The following DST variants were observed in gnomAD, a reference collection of about 807,000 sequenced individuals.
The protein encoded by DST is bullous pemphigoid antigen.
DST carries 253 observed loss-of-function variants against 875.2 expected under a neutral mutation model. The observed-to-expected ratio is 0.29, with a 90% CI of 0.26 to 0.32. DST has a LOEUF of 0.32. DST is among the 10% of genes least tolerant of loss of function. The pLI is 1.00. For synonymous variants in DST, 3,124 were observed against 3,197.1 expected, an observed-to-expected ratio of 0.98 and a Z score of 0.77; for missense variants, 8,287 against 9,111.6, an observed-to-expected ratio of 0.91 and a Z score of 3.68.
intron 61 of DST, among the ~76,000 whole-genome samples, chr6:56,549,317 A>C (rs1368707842): frequency 6.6e-6 from 1 of 152,218 alleles, no homozygotes; most frequent in Non-Finnish European, 1.5e-5. Flanking sequence ...AAAGTCAATA[A>C]GGAAGACAGA....
In DST at chr6:56,769,918, G is replaced by A. The variant is rs372216339; in HGVS notation, c.626-34629C>T. On this transcript the variant is annotated intron_variant, in intron 4 of 103. Coordinates refer to ENST00000680361, the MANE Select transcript of DST (RefSeq NM_001374736.1). ...ATACTCTGCCCACTTCCAACATGGA[G>A]TTAACACATACGAAAAGGATACTAA... Among the ~76,000 whole-genome samples the A allele has an allele frequency of 1.4e-4, 21 of 152,302 alleles. No individual in the cohort carries two copies. In the East Asian group the frequency reaches 3.7e-3, roughly 27 times the overall value.
intron 5 of DST, among the ~76,000 whole-genome samples, chr6:56,723,043 CTGGT>C (rs2099428597): frequency 6.6e-6 from 1 of 152,154 alleles, no homozygotes; most frequent in Non-Finnish European, 1.5e-5. Flanking sequence ...ATGGAACTAT[CTGGT>C]TGACAAGTTA....
intron 9 of DST, among the ~76,000 whole-genome samples, chr6:56,678,162 G>A (rs2099139793): frequency 1.3e-5 from 2 of 152,196 alleles, no homozygotes; most frequent in South Asian, 4.1e-4. Context: ...CCTCAAAGAT[G>A]TGGCACCTGG....
chr6:56,916,817 C>CAG, intron 2 of DST, among the ~76,000 whole-genome samples: 1 of 149,600 alleles, frequency 6.7e-6, no homozygotes, highest in Admixed American at 6.7e-5. Flanking sequence ...CACACACACA[C>CAG]ACACACAGAG....
At chr6:56,816,764 A>G (rs2099767026) in intron 4 of DST, among the ~76,000 whole-genome samples, 1 of 151,432 alleles carries the variant, frequency 6.6e-6, no homozygotes, top group African/African-American at 2.4e-5. Flanking sequence ...CAAATTTCCT[A>G]TGTTCGTAAA....
At chr6:56,647,988 T>A (rs1371790346) in intron 13 of DST, among the ~76,000 whole-genome samples, 2 of 152,152 alleles carry the variant, frequency 1.3e-5, no homozygotes, top group East Asian at 3.9e-4. Flanking sequence ...ACCCGGCCTA[T>A]AATGGCTTTT....
chr6:56,871,195 T>C (rs1428950927), intron 3 of DST: 4 of 751,788 alleles, frequency 5.3e-6, no homozygotes, highest in African/African-American at 3.4e-5. Context: ...GTGAAAATGG[T>C]TCACTATTTA....
chr6:56,769,514 C>G (rs2152975260), intron 4 of DST, among the ~76,000 whole-genome samples: 1 of 152,160 alleles, frequency 6.6e-6, no homozygotes, highest in South Asian at 2.1e-4. Flanking sequence ...TTAAACTGCT[C>G]TAAAAGTCTA....
At chr6:56,558,160 C>T (rs1161437238) in intron 58 of DST, among the ~76,000 whole-genome samples, 1 of 152,104 alleles carries the variant, frequency 6.6e-6, no homozygotes, top group Non-Finnish European at 1.5e-5. Context: ...CTCTATTATA[C>T]CCTCGATCAT....
chr6:56,790,356 C>A (rs548369122), intron 4 of DST, among the ~76,000 whole-genome samples: 17 of 152,262 alleles, frequency 1.1e-4, no homozygotes, highest in Non-Finnish European at 2.5e-4. Context: ...TTTGAATGAG[C>A]CAAGCCAAAT....
chr6:56,581,405 G>C lies in DST; in HGVS notation c.12904-2468C>G, dbSNP rs530075325. ...ACTCTGTCCCCAAAGATTAAAGGAAGAGAGAAGTGGAAAAGGTTAACAGTG... is the reference window on the plus strand; with the variant it reads ...ACTCTGTCCCCAAAGATTAAAGGAACAGAGAAGTGGAAAAGGTTAACAGTG... On this transcript the variant is annotated intron_variant, in intron 49 of 103. Coordinates refer to ENST00000680361, the MANE Select transcript of DST (RefSeq NM_001374736.1). Among the ~76,000 whole-genome samples, 8 of 152,294 alleles carry C rather than the reference G, an allele frequency of 5.3e-5. No individual in the cohort carries two copies. The South Asian group carries it at 8.3e-4, about 16-fold the overall frequency.
At chr6:56,818,519 C>T (rs1325803559) in intron 4 of DST, among the ~76,000 whole-genome samples, 4 of 152,124 alleles carry the variant, frequency 2.6e-5, no homozygotes, top group African/African-American at 7.2e-5. Context: ...CCTTTTACTC[C>T]ACCTCATGCT....
chr6:56,810,665 C>T (rs974915770), intron 4 of DST, among the ~76,000 whole-genome samples: 4 of 151,854 alleles, frequency 2.6e-5, no homozygotes, highest in East Asian at 1.9e-4. Flanking sequence ...ACACCCACCA[C>T]CCCTACCAAA....
chr6:56,619,098 T>C (rs1237763943), intron 36 of DST: 1 of 1,613,300 alleles, frequency 6.2e-7, no homozygotes, highest in Non-Finnish European at 8.5e-7. Context: ...AGGCATTTAA[T>C]TTTTCTTTGA....
chr6:56,847,658 T>C (rs1255317701), intron 4 of DST, among the ~76,000 whole-genome samples: 1 of 152,150 alleles, frequency 6.6e-6, no homozygotes, highest in Non-Finnish European at 1.5e-5. Flanking sequence ...GCTCTTTAAA[T>C]CTCAATTCAA....
chr6:56,642,776 T>C lies in DST; in HGVS notation c.1779-273A>G, dbSNP rs752878368. 3 of 1,614,060 alleles carry C rather than the reference T, an allele frequency of 1.9e-6. No individual in the cohort carries two copies. In the Admixed American group the frequency reaches 5.0e-5, roughly 27 times the overall value. Reference sequence around the variant, plus strand: ...GAATCACTGCTACGGTAACTATAACTACTACTGTGCATTTTTATTCCTGAA... The same window carrying C: ...GAATCACTGCTACGGTAACTATAACCACTACTGTGCATTTTTATTCCTGAA... On this transcript the variant is annotated intron_variant, in intron 15 of 103. Coordinates refer to ENST00000680361, the MANE Select transcript of DST (RefSeq NM_001374736.1).
chr6:56,601,546 T>C lies in DST; in HGVS notation c.11438A>G (p.Asn3813Ser), dbSNP rs549869536. ...ATCAAGAAAACACTTCTGAGTTGTA[T>C]TTAAGAGCCTCAGCAGTTGTTTGCT... Reference protein sequence around the residue: ...NQSKQLLRLLNTTQKCFLDVQ... With the variant: ...NQSKQLLRLLSTTQKCFLDVQ... Residue 3813 changes from asparagine (N) to serine (S), a missense_variant, in exon 44 of 104, where the codon AAT (asparagine) becomes AGT (serine). Around this residue, in one of 10 missense-constraint regions of DST, gnomAD observed 3,138 missense variants for 3,116.6 expected, o/e 1.01. Coordinates refer to ENST00000680361, the MANE Select transcript of DST (RefSeq NM_001374736.1). 5.6e-6 allele frequency: 9 copies of C among 1,605,306 alleles called. No homozygotes were observed. Among genetic ancestry groups the C allele is most frequent in the East Asian group, 2.2e-5 (1 of 44,630 alleles).
intron 69 of DST, among the ~76,000 whole-genome samples, chr6:56,524,517 T>C (rs1323706752): frequency 1.3e-5 from 2 of 152,176 alleles, no homozygotes; most frequent in Non-Finnish European, 2.9e-5. Flanking sequence ...TTTTAGTTGC[T>C]ACTCTGCCAC....
At chr6:56,903,424 G>A (rs141920412) in intron 2 of DST, among the ~76,000 whole-genome samples, 77 of 152,260 alleles carry the variant, frequency 5.1e-4, no homozygotes, top group African/African-American at 1.8e-3. Context: ...TCTACCAAGA[G>A]TGCCCAGTAA....
Sources: gnomAD v4.1 joint callset for allele counts (sites outside exome capture counted in the v4.1 genomes callset) on GRCh38, gnomAD v4.1.1 for gene constraint, gnomAD v4.1.1 regional missense constraint, MANE v1.5 for transcripts, NCBI Gene and HGNC (gene_info 2026-07-23, HGNC 2026-07-21) for gene names.